Variants in PHTF1 observed in about 807,000 individuals in gnomAD.
PHTF1 encodes protein PHTF1.
PHTF1 carries 88 observed loss-of-function variants against 102.4 expected under a neutral mutation model. The observed-to-expected ratio is 0.86, with a 90% CI of 0.72 to 1.03. The LOEUF is 1.03. Among genes scored for constraint, PHTF1 ranks in the 50% least tolerant of loss-of-function variants. PHTF1 has a pLI of 0.00. For synonymous variants in PHTF1, 289 were observed against 305.2 expected (o/e 0.95, Z 0.55); for missense variants, 814 against 909.5 (o/e 0.89, Z 1.35).
intron 7 of PHTF1, among the ~76,000 whole-genome samples, chr1:113,718,169 C>G (rs1033956001): frequency 2.6e-5 from 4 of 152,028 alleles, no homozygotes; most frequent in Non-Finnish European, 5.9e-5. Flanking sequence ...AGAAATTGGC[C>G]AAAACAAAGG....
chr1:113,753,286 T>C (rs182328053), intron 3 of PHTF1, among the ~76,000 whole-genome samples: 13 of 152,366 alleles, frequency 8.5e-5, no homozygotes, highest in Admixed American at 5.2e-4. Context: ...GAGAAGTATA[T>C]TTCCTTCTCT....
chr1:113,697,731 A>T lies in PHTF1; in HGVS notation c.2269-6T>A. Reference sequence around the variant, plus strand: ...TATGATTTAATTTTCCACAGCTAAGAGAACAAAATCACCAAAATAAGTTAG... The same window carrying T: ...TATGATTTAATTTTCCACAGCTAAGTGAACAAAATCACCAAAATAAGTTAG... On this transcript the variant is annotated splice_region_variant and splice_polypyrimidine_tract_variant and intron_variant, in intron 18 of 18. Transcript: ENST00000369604. The T allele has an allele frequency of 6.2e-7, 1 of 1,603,398 alleles. No individual in the cohort carries two copies. Among genetic ancestry groups the T allele is most frequent in the Non-Finnish European group, 8.5e-7 (1 of 1,170,312 alleles).
At position 113,711,802 on chromosome 1, in the gene PHTF1, C is replaced by A. The variant is rs1651131877; in HGVS notation, c.991G>T (p.Val331Leu). The A allele has an allele frequency of 1.2e-6, 2 of 1,614,044 alleles. No homozygotes were observed. Among genetic ancestry groups the A allele is most frequent in the Non-Finnish European group, 1.7e-6 (2 of 1,179,956 alleles). The change falls in exon 10 of 19, where the codon GTG becomes TTG. Residue 331 changes from valine (V) to leucine (L), a missense_variant. Val to Leu is a conservative substitution (Grantham distance 32). Transcript: ENST00000369604. ...KKTTTRWCHIVRDSDSLAESE... is the reference protein window; with the variant it reads ...KKTTTRWCHILRDSDSLAESE... ...TCAGCCAGACTATCTGAATCCCGCA[C>A]AATATGACACCACCTTGTAGTGGTT...
At chr1:113,735,171 G>C (rs571538212) in intron 5 of PHTF1, among the ~76,000 whole-genome samples, 15 of 151,850 alleles carry the variant, frequency 9.9e-5, no homozygotes, top group African/African-American at 3.6e-4. Context: ...TTCAAGACCA[G>C]CCTAGACAAC....
At chr1:113,710,199 G>A (rs1650834319) in intron 11 of PHTF1, 55 bp downstream of exon 11, 8 of 1,271,876 alleles carry the variant, frequency 6.3e-6, no homozygotes, top group Non-Finnish European at 9.2e-6. Flanking sequence ...CAGAGTGCCT[G>A]ACACACAGTA....
At chr1:113,700,110 AT>A in intron 16 of PHTF1, 1 of 1,031,088 alleles carries the variant, frequency 9.7e-7, no homozygotes, top group Non-Finnish European at 1.2e-6. Context: ...CAAAACCTCT[AT>A]CTTATTCATC....
chr1:113,735,216 A>C (rs1655283782), intron 5 of PHTF1, among the ~76,000 whole-genome samples: 1 of 151,832 alleles, frequency 6.6e-6, no homozygotes, highest in South Asian at 2.1e-4. Context: ...AAATACAAAA[A>C]TTAGCCAGGC....
chr1:113,703,112 C>T (rs759651420), intron 15 of PHTF1, among the ~76,000 whole-genome samples: 3 of 152,180 alleles, frequency 2.0e-5, no homozygotes, highest in Admixed American at 6.5e-5. Context: ...CACACCTCCA[C>T]CAATGGCTGA....
intron 5 of PHTF1, among the ~76,000 whole-genome samples, chr1:113,737,117 G>GA (rs1655618997): frequency 6.6e-6 from 1 of 152,186 alleles, no homozygotes; most frequent in Non-Finnish European, 1.5e-5. Flanking sequence ...TAAATATAGT[G>GA]AAAAATTTGG....
intron 3 of PHTF1, among the ~76,000 whole-genome samples, chr1:113,753,213 T>C (rs927817872): frequency 6.6e-6 from 1 of 152,218 alleles, no homozygotes; most frequent in Non-Finnish European, 1.5e-5. Flanking sequence ...TCATAACGAA[T>C]GTTCTTATGA....
At chr1:113,738,383 GT>G in intron 4 of PHTF1, 115 bp from the exon 5 acceptor site, 1 of 682,638 alleles carries the variant, frequency 1.5e-6, no homozygotes, top group Non-Finnish European at 2.4e-6. Flanking sequence ...AACCTGTTCA[GT>G]TAAAAAAAAA....
rs1192475723 is a variant in PHTF1, at chr1:113,697,711, T to C, written c.2283A>G (p.Lys761=). ...LGFNIRLWKI[K]S is the part of the protein sequence containing the mutation. Reference sequence around the variant, plus strand: ...GTCCAGGCATTTACTCAGCTTATGATTTAATTTTCCACAGCTAAGAGAACA... The same window carrying C: ...GTCCAGGCATTTACTCAGCTTATGACTTAATTTTCCACAGCTAAGAGAACA... Residue 761 remains lysine (K), a synonymous_variant, in exon 19 of 19, where the codon AAA becomes AAG. Transcript: ENST00000369604. 6.2e-7 allele frequency: 1 copy of C among 1,606,528 alleles called. No homozygotes were observed. The highest frequency in any genetic ancestry group is 1.3e-5 in the African/African-American group (1 of 74,712).
At chr1:113,703,383 T>C (rs561101189) in intron 15 of PHTF1, among the ~76,000 whole-genome samples, 2 of 152,248 alleles carry the variant, frequency 1.3e-5, no homozygotes, top group Non-Finnish European at 2.9e-5. Context: ...TAACTTCTTT[T>C]AATGCAGAAA....
intron 15 of PHTF1, among the ~76,000 whole-genome samples, chr1:113,703,122 A>C (rs775712863): frequency 2.6e-5 from 4 of 152,236 alleles, no homozygotes; most frequent in Non-Finnish European, 4.4e-5. Flanking sequence ...CCAATGGCTG[A>C]CAGAATAAGC....
At chr1:113,758,298 A>G (rs1659199539) in intron 2 of PHTF1, among the ~76,000 whole-genome samples, 1 of 151,936 alleles carries the variant, frequency 6.6e-6, no homozygotes, top group Admixed American at 6.6e-5. Flanking sequence ...CTAGAGAGGA[A>G]TAAAAGATAA....
At chr1:113,701,597 C>G (rs1256808570) in intron 15 of PHTF1, among the ~76,000 whole-genome samples, 2 of 151,840 alleles carry the variant, frequency 1.3e-5, no homozygotes, top group African/African-American at 4.8e-5. Context: ...CTCTCCATCT[C>G]GCTTCCCCCA....
At chr1:113,741,471 T>C (rs1467414253) in intron 3 of PHTF1, among the ~76,000 whole-genome samples, 1 of 152,224 alleles carries the variant, frequency 6.6e-6, no homozygotes, top group African/African-American at 2.4e-5. Flanking sequence ...AATATTACTT[T>C]TTACCTTTTT....
intron 15 of PHTF1, among the ~76,000 whole-genome samples, chr1:113,703,185 C>T (rs1649639108): frequency 6.6e-6 from 1 of 152,202 alleles, no homozygotes; most frequent in African/African-American, 2.4e-5. Flanking sequence ...AAGGACACTG[C>T]TCTCAACAAT....
At chr1:113,704,928 G>T in intron 13 of PHTF1, 131 bp from the exon 14 acceptor site, 1 of 672,176 alleles carries the variant, frequency 1.5e-6, no homozygotes, top group Non-Finnish European at 2.5e-6. Context: ...TCAGTAAGAT[G>T]GGCAGTGAAA....
Sources: allele counts gnomAD v4.1 joint callset (sites outside exome capture counted in the v4.1 genomes callset), GRCh38; gene constraint gnomAD v4.1.1; transcripts MANE v1.5; gene names NCBI Gene and HGNC (gene_info 2026-07-23, HGNC 2026-07-21).